KLK15: variants seen among roughly 807,000 people sequenced by gnomAD.
KLK15 encodes the protein kallikrein-15.
In KLK15, 19 loss-of-function variants were observed where a neutral mutation model predicts 21.1. That is an observed-to-expected ratio of 0.90 (90% confidence interval 0.63 to 1.32). KLK15 has a LOEUF of 1.32. Ranked by LOEUF, KLK15 falls within the 40% of genes most tolerant of loss-of-function variation. KLK15 has a pLI of 0.00. For synonymous variants in KLK15, 141 were observed against 141.5 expected (o/e 1.00, Z 0.03); for missense variants, 345 against 348.6 (o/e 0.99, Z 0.08).
Position 50,831,288 on chromosome 19 carries a change from C to T in KLK15, c.43+162G>A, listed in dbSNP as rs539904131. ...GACTCCAGAGCAGCAGCACCAGCAC[C>T]TGACGGTAAGGGCTTAGGGACATTG... On this transcript the variant is annotated intron_variant, in intron 1 of 4. Coordinates refer to ENST00000598239, the Ensembl canonical transcript of KLK15. The T allele has an allele frequency of 2.8e-4, 135 of 478,076 alleles. 2 individuals carry two copies. In the Middle Eastern group the frequency reaches 4.4e-3, roughly 16 times the overall value. 29.6% of individuals were successfully genotyped at this position (478,076 alleles called of 1,614,324 possible).
chr19:50,829,558 A>C (rs1457101739), intron 1 of KLK15, among the ~76,000 whole-genome samples: 1 of 151,736 alleles, frequency 6.6e-6, no homozygotes, highest in Non-Finnish European at 1.5e-5. Flanking sequence ...TGGGAGGCCA[A>C]GGCCGAGGTG....
At chr19:50,831,824 T>TG (rs1305624902), upstream of KLK15, among the ~76,000 whole-genome samples, 1 of 151,556 alleles carries the variant, frequency 6.6e-6, no homozygotes, top group Non-Finnish European at 1.5e-5. Flanking sequence ...ACTTTTTTTT[T>TG]TTTTTGAGAC....
At chr19:50,825,811 G>A (rs763077218) in exon 5 of KLK15, 4 of 1,613,684 alleles carry the variant, frequency 2.5e-6, no homozygotes, top group African/African-American at 2.7e-5. Context: ...TCCTCTTCAT[G>A]GTTTCCCTGA....
Position 50,831,008 on chromosome 19 carries a change from T to C in KLK15, c.43+442A>G, listed in dbSNP as rs1252556958. 4 of 154,266 alleles carry C rather than the reference T, an allele frequency of 2.6e-5. 1 individual carries two copies. In the South Asian group the frequency reaches 8.3e-4, roughly 32 times the overall value. The allele number at this position is 154,266 out of a possible 1,614,324, so 9.6% of individuals were successfully genotyped here. On this transcript the variant is annotated intron_variant, in intron 1 of 4. Coordinates refer to ENST00000598239, the Ensembl canonical transcript of KLK15. ...GGTGTGGGACTCAAGCTGGAGTCTG[T>C]CTGTGCTGTTGGCCTCTCAGCACTT... is the stretch of plus-strand genomic sequence containing the variant.
At chr19:50,832,322 CTTTTTTTT>C (rs773163899), upstream of KLK15, among the ~76,000 whole-genome samples, 4 of 109,440 alleles carry the variant, frequency 3.7e-5, no homozygotes, top group Admixed American at 1.0e-4. Flanking sequence ...CTTTTTTTTT[CTTTTTTTT>C]TTTTTTTTTT....
chr19:50,832,322 CTTTTTTT>C (rs773163899), upstream of KLK15, among the ~76,000 whole-genome samples: 10 of 109,440 alleles, frequency 9.1e-5, no homozygotes, highest in East Asian at 2.8e-4. Flanking sequence ...CTTTTTTTTT[CTTTTTTT>C]TTTTTTTTTT....
At chr19:50,826,086 C>A in intron 4 of KLK15, 138 bp from the exon 6 acceptor site, 1 of 799,494 alleles carries the variant, frequency 1.3e-6, no homozygotes, top group Non-Finnish European at 1.9e-6. Context: ...CTCAATACAG[C>A]CCAGTTTATC....
rs202125732 is a variant in KLK15, at chr19:50,827,000, G to C, written c.359C>G (p.Pro120Arg). The C allele has an allele frequency of 9.3e-6, 15 of 1,605,940 alleles. No individual in the cohort carries two copies. Among genetic ancestry groups the C allele is most frequent in the Non-Finnish European group, 1.2e-5 (14 of 1,179,840 alleles). Residue 120 changes from proline to arginine, a missense_variant, in exon 3 of 5, where the codon CCC (proline) becomes CGC (arginine). Physicochemically the swap from Pro to Arg is moderately radical, Grantham distance 103 (BLOSUM62 -2). Transcript: ENST00000598239. ...GGGTAGCACCGCGGGGCGCACCTGG[G>C]GGTTCAGGCGTGCGGGCTGGACTAG...
chr19:50,832,330 T>C (rs557944468), upstream of KLK15, among the ~76,000 whole-genome samples: 24 of 147,748 alleles, frequency 1.6e-4, no homozygotes, highest in African/African-American at 5.8e-4. Flanking sequence ...TTCTTTTTTT[T>C]TTTTTTTTTT....
intron 2 of KLK15, 66 bp from the exon 4 acceptor site, chr19:50,827,227 A>G: frequency 6.7e-7 from 1 of 1,488,988 alleles, no homozygotes; most frequent in East Asian, 2.3e-5. Context: ...AGTAGAGGAC[A>G]GAAAGATCAA....
In KLK15 at chr19:50,831,445, C is replaced by A; in HGVS notation, c.43+5G>T. The A allele has an allele frequency of 1.4e-6, 2 of 1,428,756 alleles. No homozygotes were observed. The allele number at this position is 1,428,756 out of a possible 1,614,324, so 88.5% of individuals were successfully genotyped here. A position where few individuals can be genotyped will look rare whatever the true frequency, so the allele number is the denominator to read the frequency against. ...AGACCTGGCCCCCTCCTGGGGCCAC[C>A]TCACCTGTGGATGCCAGCAGGAAGG... On this transcript the variant is annotated splice_donor_5th_base_variant and intron_variant, in intron 1 of 4. Transcript: ENST00000598239.
chr19:50,829,094 T>C (rs928114591), intron 1 of KLK15, among the ~76,000 whole-genome samples: 4 of 149,466 alleles, frequency 2.7e-5, no homozygotes, highest in African/African-American at 9.9e-5. Context: ...ACACACAGAA[T>C]TGGATATTGT....
chr19:50,831,356 G>A, intron 1 of KLK15, 94 bp downstream of exon 2: 1 of 895,444 alleles, frequency 1.1e-6, no homozygotes, highest in African/African-American at 1.8e-5. Flanking sequence ...TGGTCTCTGG[G>A]TGAGGTAGGG....
chr19:50,827,076 G>C (rs1599950944), exon 3 of KLK15: 1 of 1,606,430 alleles, frequency 6.2e-7, no homozygotes, highest in Middle Eastern at 1.6e-4. Context: ...TAGCGCGGGT[G>C]TGGAATGACC....
intron 1 of KLK15, among the ~76,000 whole-genome samples, chr19:50,828,567 G>A (rs1259095144): frequency 6.6e-6 from 1 of 151,694 alleles, no homozygotes; most frequent in Admixed American, 6.6e-5. Context: ...GGCTATACAA[G>A]GTCATGGACA....
intron 1 of KLK15, among the ~76,000 whole-genome samples, chr19:50,828,204 C>A (rs1271761036): frequency 6.6e-6 from 1 of 151,480 alleles, no homozygotes; most frequent in African/African-American, 2.4e-5. Flanking sequence ...CCTCAGCCTC[C>A]CAAAGTGCTG....
rs779043858 is a variant in KLK15 at position 50,826,712 on chromosome 19, G to C, written c.527C>G (p.Ser176Trp). The stretch of plus-strand genomic sequence containing the variant: ...GTAGCTCTTGTCACAAGATGTGTCC[G>C]AGATAATGCTGATGTTGGCACAATG... The change falls in exon 4 of 5, where the codon TCG (serine) becomes TGG (tryptophan). Residue 176 changes from serine (S) to tryptophan (W), a missense_variant. By Grantham distance (177) the Ser-to-Trp change is radical. Transcript: ENST00000598239. 4 of 1,614,010 alleles carry C rather than the reference G, an allele frequency of 2.5e-6. No homozygotes were observed. The Admixed American group carries it at 6.7e-5, about 27-fold the overall frequency.
chr19:50,832,308 CTTTCTTTTTT>C (rs1335209935), upstream of KLK15, among the ~76,000 whole-genome samples: 244 of 138,066 alleles, frequency 1.8e-3, no homozygotes, highest in Admixed American at 4.4e-3. Context: ...AATTCACTTT[CTTTCTTTTTT>C]TTTCTTTTTT....
chr19:50,829,825 CCAAA>C (rs1379938268), intron 1 of KLK15, among the ~76,000 whole-genome samples: 1 of 151,312 alleles, frequency 6.6e-6, no homozygotes. Context: ...TCAAAAAAAA[CCAAA>C]CAAACAAAAA....
Sources: allele counts gnomAD v4.1 joint callset (sites outside exome capture counted in the v4.1 genomes callset), GRCh38; gene constraint gnomAD v4.1.1; transcripts MANE v1.5; gene names NCBI Gene and HGNC (gene_info 2026-07-23, HGNC 2026-07-21).